FTO: variants seen among roughly 807,000 people sequenced by gnomAD.
The protein encoded by FTO is FTO alpha-ketoglutarate dependent dioxygenase.
Under a neutral mutation model 63.9 loss-of-function variants are expected in FTO, and 47 were observed. The ratio of observed to expected loss-of-function variants is 0.74; its 90% CI spans 0.58 to 0.94. The LOEUF (loss-of-function observed/expected upper bound fraction) is 0.94, where lower values mean the gene tolerates loss of function less well. FTO is among the 40% of genes least tolerant of loss of function. FTO has a pLI of 0.00. For synonymous variants in FTO, 207 were observed against 224.4 expected (o/e 0.92, Z 0.69); for missense variants, 562 against 618.1 (o/e 0.91, Z 0.96).
intron 3 of FTO, among the ~76,000 whole-genome samples, chr16:53,840,293 A>G (rs2079437780): frequency 6.6e-6 from 1 of 152,168 alleles, no homozygotes; most frequent in Admixed American, 6.5e-5. Context: ...AAATATAAAC[A>G]TAATTTTTAT....
chr16:53,881,767 T>C (rs1172946836), intron 6 of FTO, among the ~76,000 whole-genome samples: 2 of 152,256 alleles, frequency 1.3e-5, no homozygotes, highest in Non-Finnish European at 2.9e-5. Context: ...TTAAATCAAC[T>C]CTTTTTTAAC....
intron 7 of FTO, among the ~76,000 whole-genome samples, chr16:53,919,134 ATTACT>A (rs1174662861): frequency 1.3e-5 from 2 of 152,170 alleles, no homozygotes; most frequent in African/African-American, 4.8e-5. Context: ...AATTTGACAA[ATTACT>A]TAACCTTTCT....
At chr16:53,725,967 T>A (rs1003860357) in intron 1 of FTO, among the ~76,000 whole-genome samples, 3 of 152,222 alleles carry the variant, frequency 2.0e-5, no homozygotes, top group Non-Finnish European at 4.4e-5. Flanking sequence ...TCATGTGGCC[T>A]GTAAATGAGA....
chr16:53,829,015 C>T lies in FTO; in HGVS notation c.751+2524C>T, dbSNP rs149090042. ...AAGTGATTCTCCTGCCTCAGCTTCC[C>T]GAGTAGCTGGGATTACAGGCATGCA... On this transcript the variant is annotated intron_variant, in intron 3 of 8. Coordinates refer to ENST00000471389, the MANE Select transcript of FTO (RefSeq NM_001080432.3). Among the ~76,000 whole-genome samples the T allele has an allele frequency of 8.5e-4, 129 of 152,266 alleles. No homozygotes were observed. The East Asian group carries it at 0.02, about 24-fold the overall frequency.
chr16:53,863,605 A>G (rs916817413), intron 4 of FTO, among the ~76,000 whole-genome samples: 1 of 152,210 alleles, frequency 6.6e-6, no homozygotes, highest in African/African-American at 2.4e-5. Flanking sequence ...GTCATGGCTT[A>G]TAACAGCAGC....
intron 1 of FTO, among the ~76,000 whole-genome samples, chr16:53,775,026 T>C (rs551124394): frequency 9.9e-5 from 15 of 152,230 alleles, no homozygotes; most frequent in Admixed American, 2.0e-4. Context: ...CGCCATTAAA[T>C]TGGTGAAGCT....
At chr16:53,881,598 T>A (rs1219573728) in intron 6 of FTO, among the ~76,000 whole-genome samples, 3 of 152,216 alleles carry the variant, frequency 2.0e-5, no homozygotes, top group Non-Finnish European at 4.4e-5. Flanking sequence ...GCCTTGCTTT[T>A]CACTGATGAA....
chr16:53,836,188 GC>G (rs1463720727), intron 3 of FTO, among the ~76,000 whole-genome samples: 1 of 152,134 alleles, frequency 6.6e-6, no homozygotes, highest in Non-Finnish European at 1.5e-5. Flanking sequence ...ACTGCGCCTG[GC>G]CTGTCTGTTG....
At chr16:53,875,764 A>G (rs1314953761) in intron 5 of FTO, among the ~76,000 whole-genome samples, 1 of 152,238 alleles carries the variant, frequency 6.6e-6, no homozygotes, top group Non-Finnish European at 1.5e-5. Flanking sequence ...GGGACTTGTG[A>G]ACAGGAATGG....
At chr16:53,708,011 C>A (rs1479716779) in intron 1 of FTO, among the ~76,000 whole-genome samples, 1 of 152,216 alleles carries the variant, frequency 6.6e-6, no homozygotes, top group East Asian at 1.9e-4. Flanking sequence ...TGAGGTTCAT[C>A]CATGTTGTAG....
At chr16:53,909,588 G>C (rs907199185) in intron 7 of FTO, among the ~76,000 whole-genome samples, 2 of 114,826 alleles carry the variant, frequency 1.7e-5, no homozygotes, top group Non-Finnish European at 3.3e-5. Flanking sequence ...TTTTGAGACA[G>C]AGTCTCACTC....
chr16:53,770,293 T>C lies in FTO; in HGVS notation c.46-39847T>C, dbSNP rs545988049. On this transcript the variant is annotated intron_variant, in intron 1 of 8. Coordinates refer to ENST00000471389, the MANE Select transcript of FTO (RefSeq NM_001080432.3). ...GCCTTCTCTACTATATTTGAAAAGATTTTGTAAGTTGGAATTTGGAATTTC... is the reference window on the plus strand; with the variant it reads ...GCCTTCTCTACTATATTTGAAAAGACTTTGTAAGTTGGAATTTGGAATTTC... Among the ~76,000 whole-genome samples the C allele has an allele frequency of 7.2e-5, 11 of 152,266 alleles. No homozygotes were observed. The East Asian group carries it at 1.2e-3, about 16-fold the overall frequency.
At chr16:53,819,133 C>A (rs2078778420) in intron 2 of FTO, among the ~76,000 whole-genome samples, 1 of 152,112 alleles carries the variant, frequency 6.6e-6, no homozygotes, top group Non-Finnish European at 1.5e-5. Context: ...TAGACAGTAA[C>A]TAATTTAAGT....
At chr16:53,990,153 C>T (rs576367282) in intron 8 of FTO, among the ~76,000 whole-genome samples, 1 of 152,096 alleles carries the variant, frequency 6.6e-6, no homozygotes, top group Admixed American at 6.5e-5. Context: ...GTCGAGTGCC[C>T]CAATCCCTAC....
intron 7 of FTO, among the ~76,000 whole-genome samples, chr16:53,913,285 G>A (rs894538227): frequency 5.3e-5 from 8 of 152,192 alleles, no homozygotes; most frequent in Admixed American, 1.3e-4. Context: ...CCTGAAAAGC[G>A]AATTTGATTT....
At chr16:53,902,996 G>C (rs536792868) in intron 7 of FTO, among the ~76,000 whole-genome samples, 1 of 152,288 alleles carries the variant, frequency 6.6e-6, no homozygotes, top group East Asian at 1.9e-4. Flanking sequence ...CGTAGTTCCA[G>C]CTACTCGGGA....
chr16:53,805,022 G>A (rs935862169), intron 1 of FTO, among the ~76,000 whole-genome samples: 1 of 152,148 alleles, frequency 6.6e-6, no homozygotes, highest in African/African-American at 2.4e-5. Context: ...AGATCATGCA[G>A]TTATTTTCAC....
chr16:53,833,780 A>T (rs1250407780), intron 3 of FTO, among the ~76,000 whole-genome samples: 2 of 152,206 alleles, frequency 1.3e-5, no homozygotes, highest in Admixed American at 1.3e-4. Context: ...CATAATGGGT[A>T]TGAAGTGGTA....
At chr16:53,919,019 A>G (rs989870392) in intron 7 of FTO, among the ~76,000 whole-genome samples, 10 of 152,222 alleles carry the variant, frequency 6.6e-5, no homozygotes, top group Admixed American at 5.2e-4. Context: ...GATGAAGTTA[A>G]TGAAAGCACT....
Sources: gnomAD v4.1 joint callset for allele counts (sites outside exome capture counted in the v4.1 genomes callset) on GRCh38, gnomAD v4.1.1 for gene constraint, MANE v1.5 for transcripts, NCBI Gene and HGNC (gene_info 2026-07-23, HGNC 2026-07-21) for gene names.